HMGA2: variants seen among roughly 807,000 people sequenced by gnomAD.
HMGA2 encodes high mobility group protein HMGI-C.
A neutral mutation model predicts 19.1 loss-of-function variants in HMGA2; 8 were observed. The ratio of observed to expected loss-of-function variants is 0.42; its 90% CI spans 0.25 to 0.76. HMGA2 has a LOEUF of 0.76. Among genes scored for constraint, HMGA2 ranks in the 30% least tolerant of loss-of-function variants. HMGA2 has a pLI of 0.28. For missense variants in HMGA2, 109 were observed against 136.3 expected, an observed-to-expected ratio of 0.80 and a Z score of 1.00; for synonymous variants, 60 against 48.8, an observed-to-expected ratio of 1.23 and a Z score of -0.96.
chr12:65,899,043 CAAAAAAAA>C lies in HMGA2; in HGVS notation c.250-52318_250-52311del, dbSNP rs751128412. On this transcript the variant is annotated intron_variant, in intron 3 of 4. Coordinates refer to ENST00000403681, the MANE Select transcript of HMGA2 (RefSeq NM_003483.6). ...TGGGCAACAGAGCGAGACTCCGTCT[CAAAAAAAA>C]AAAAAAAAAAAAAAAAAAAAAGATG... 1.5e-3 allele frequency among the ~76,000 whole-genome samples: 38 copies of C among 25,350 alleles called. 1 individual carries two copies. The South Asian group carries it at 0.025, about 16-fold the overall frequency. 16.6% of individuals were successfully genotyped at this position (25,350 alleles called of 152,430 possible).
intron 3 of HMGA2, among the ~76,000 whole-genome samples, chr12:65,865,514 AG>A (rs1872349274): frequency 6.6e-6 from 1 of 152,110 alleles, no homozygotes; most frequent in African/African-American, 2.4e-5. Flanking sequence ...AGGCTTTTTA[AG>A]GTTTTCAAAT....
At position 65,963,806 on chromosome 12, in the gene HMGA2, A is replaced by C. The variant is rs1052308173; in HGVS notation, c.*514A>C. Reference sequence around the variant, plus strand: ...GTGAATCCTCTGTTTAGAACACCAAAGATAAGGACTAGATACTACTTTCTC... The same window carrying C: ...GTGAATCCTCTGTTTAGAACACCAACGATAAGGACTAGATACTACTTTCTC... On this transcript the variant is annotated 3_prime_UTR_variant, in exon 5 of 5. Transcript: ENST00000403681. 6 of 231,494 alleles carry C rather than the reference A, an allele frequency of 2.6e-5. No individual in the cohort carries two copies. Among genetic ancestry groups the C allele is most frequent in the Non-Finnish European group, 5.1e-5 (6 of 117,510 alleles). 14.3% of individuals were successfully genotyped at this position (231,494 alleles called of 1,614,324 possible).
chr12:65,867,481 T>G (rs548619481), intron 3 of HMGA2: 2 of 455,338 alleles, frequency 4.4e-6, no homozygotes, highest in African/African-American at 2.0e-5. Context: ...GTGTTTATTA[T>G]GTTTAAGCTA....
Position 65,824,531 on chromosome 12 carries a change from C to G in HMGA2, c.-740C>G, listed in dbSNP as rs945395916. 9 of 233,570 alleles carry G rather than the reference C, an allele frequency of 3.9e-5. No individual in the cohort carries two copies. In the Admixed American group the frequency reaches 5.1e-4, roughly 13 times the overall value. The allele number at this position is 233,570 out of a possible 1,614,324, so 14.5% of individuals were successfully genotyped here. On this transcript the variant is annotated 5_prime_UTR_variant, in exon 1 of 5. Transcript: ENST00000403681. ...GCGCGCTTGGTGCAAGACTCAGGAGCTAGCAGCCCGTCCCCCTCCGACTCT... is the reference window on the plus strand; with the variant it reads ...GCGCGCTTGGTGCAAGACTCAGGAGGTAGCAGCCCGTCCCCCTCCGACTCT...
At chr12:65,960,497 G>A (rs1456910631) in intron 4 of HMGA2, among the ~76,000 whole-genome samples, 1 of 152,204 alleles carries the variant, frequency 6.6e-6, no homozygotes, top group African/African-American at 2.4e-5. Context: ...TCACTGGGAA[G>A]GTGAGAGCTG....
chr12:65,866,958 G>T (rs768902815), intron 3 of HMGA2: 1 of 456,774 alleles, frequency 2.2e-6, no homozygotes, highest in Non-Finnish European at 4.4e-6. Context: ...CTTGACACTG[G>T]TAGAGAGAGA....
chr12:65,933,875 TAGAGTGAAGAA>T (rs1209277072), intron 3 of HMGA2, among the ~76,000 whole-genome samples: 1 of 152,168 alleles, frequency 6.6e-6, no homozygotes, highest in African/African-American at 2.4e-5. Flanking sequence ...AACACCATAA[TAGAGTGAAGAA>T]AGCAATGCCA....
At chr12:65,951,336 TA>T (rs1565741364) in intron 3 of HMGA2, 46 bp from the exon 4 acceptor site, 4 of 1,216,724 alleles carry the variant, frequency 3.3e-6, no homozygotes, top group Non-Finnish European at 3.5e-6. Flanking sequence ...ATTTTTTCTA[TA>T]ATGTATATTT....
Position 65,942,413 on chromosome 12 carries a change from A to ATG in HMGA2, c.250-8958_250-8957dup, listed in dbSNP as rs762450937. 5.8e-4 allele frequency among the ~76,000 whole-genome samples: 89 copies of ATG among 152,154 alleles called. No homozygotes were observed. In the Middle Eastern group the frequency reaches 0.01, roughly 18 times the overall value. ...TTTGGGCCTTAAAAAATATGTATAT[A>ATG]TGTGTGTGTGTGTATACATATATAT... On this transcript the variant is annotated intron_variant, in intron 3 of 4. Transcript: ENST00000403681.
chr12:65,903,893 A>T (rs1192523407), intron 3 of HMGA2, among the ~76,000 whole-genome samples: 1 of 152,234 alleles, frequency 6.6e-6, no homozygotes, highest in Non-Finnish European at 1.5e-5. Context: ...AAGACCCAAC[A>T]CTGGCAAATT....
intron 3 of HMGA2, among the ~76,000 whole-genome samples, chr12:65,899,374 C>T (rs947478426): frequency 2.0e-5 from 3 of 152,290 alleles, no homozygotes; most frequent in African/African-American, 7.2e-5. Flanking sequence ...ACTTCCGATC[C>T]TACTTCTCCC....
intron 3 of HMGA2, among the ~76,000 whole-genome samples, chr12:65,924,954 G>A (rs1392733247): frequency 1.3e-5 from 2 of 152,090 alleles, no homozygotes; most frequent in Non-Finnish European, 2.9e-5. Flanking sequence ...AACTATCAGA[G>A]AAGAGAGAAA....
chr12:65,947,244 C>T (rs1428644033), intron 3 of HMGA2, among the ~76,000 whole-genome samples: 1 of 151,988 alleles, frequency 6.6e-6, no homozygotes, highest in African/African-American at 2.4e-5. Flanking sequence ...CTCAGTCTCC[C>T]GAGTAGCTGG....
intron 3 of HMGA2, chr12:65,881,780 C>T (rs1410703118): frequency 1.4e-6 from 1 of 702,942 alleles, no homozygotes; most frequent in Non-Finnish European, 2.6e-6. Context: ...TGAAGGAAGC[C>T]TGCTGATCCC....
At chr12:65,912,063 C>T (rs751829931) in intron 3 of HMGA2, among the ~76,000 whole-genome samples, 9 of 152,122 alleles carry the variant, frequency 5.9e-5, no homozygotes, top group Non-Finnish European at 1.3e-4. Context: ...GATTTAGATA[C>T]TGTATTAACT....
chr12:65,947,822 G>T (rs76577882), intron 3 of HMGA2, among the ~76,000 whole-genome samples: 1 of 152,178 alleles, frequency 6.6e-6, no homozygotes, highest in Non-Finnish European at 1.5e-5. Context: ...TCCAAGTGAG[G>T]TGAGGCAGCT....
chr12:65,905,524 CAAAT>C (rs1874555267), intron 3 of HMGA2, among the ~76,000 whole-genome samples: 2 of 152,092 alleles, frequency 1.3e-5, no homozygotes, highest in Admixed American at 1.3e-4. Flanking sequence ...AAGCAGAAGA[CAAAT>C]AAAATACCTC....
chr12:65,827,518 A>G (rs1398430106), intron 1 of HMGA2, among the ~76,000 whole-genome samples: 3 of 150,540 alleles, frequency 2.0e-5, no homozygotes, highest in Admixed American at 2.0e-4. Flanking sequence ...ATCCACCTAG[A>G]AGGCAGGTAT....
chr12:65,851,676 C>G (rs138031913), intron 3 of HMGA2: 25 of 442,326 alleles, frequency 5.7e-5, no homozygotes, highest in Non-Finnish European at 1.1e-4. Flanking sequence ...ACAACAACAA[C>G]AAAAAATCAT....
Sources: gnomAD v4.1 joint callset for allele counts (sites outside exome capture counted in the v4.1 genomes callset) on GRCh38, gnomAD v4.1.1 for gene constraint, MANE v1.5 for transcripts, NCBI Gene and HGNC (gene_info 2026-07-23, HGNC 2026-07-21) for gene names.